The following ENO1 variants were observed in gnomAD, a reference collection of about 807,000 sequenced individuals.
ENO1 encodes the protein alpha-enolase.
ENO1 carries 33 observed loss-of-function variants against 46.3 expected under a neutral mutation model. The observed-to-expected ratio is 0.71, with a 90% CI of 0.54 to 0.95. The LOEUF is 0.95. ENO1 is among the 40% of genes least tolerant of loss of function. The pLI is 0.00. For synonymous variants in ENO1, 220 were observed against 216.0 expected (o/e 1.02, Z -0.16); for missense variants, 488 against 553.3 (o/e 0.88, Z 1.18).
In ENO1 at chr1:8,870,777, A is replaced by G. The variant is rs550557677; in HGVS notation, c.182-267T>C. The G allele has an allele frequency of 1.5e-4, 216 of 1,405,358 alleles. 1 individual carries two copies. In the African/African-American group the frequency reaches 1.6e-3, roughly 10 times the overall value. The allele number at this position is 1,405,358 out of a possible 1,614,324, so 87.1% of individuals were successfully genotyped here. On this transcript the variant is annotated intron_variant, in intron 3 of 11. Transcript: ENST00000234590. Reference sequence around the variant, plus strand: ...TGACTGGAGGTTAGTTTGCAAGACCATGCACTGGAAACGCCAACTGCAGAC... The same window carrying G: ...TGACTGGAGGTTAGTTTGCAAGACCGTGCACTGGAAACGCCAACTGCAGAC...
chr1:8,877,075 C>T (rs545678848), intron 1 of ENO1, among the ~76,000 whole-genome samples: 18 of 152,004 alleles, frequency 1.2e-4, no homozygotes, highest in African/African-American at 4.3e-4. Flanking sequence ...CTGCAGGCTC[C>T]GCCTCCAGAG....
At chr1:8,874,577 C>CAAAAAAAAAAAAAA (rs140269736) in intron 2 of ENO1, among the ~76,000 whole-genome samples, 120 of 51,478 alleles carry the variant, frequency 2.3e-3, no homozygotes, top group Middle Eastern at 0.019. Flanking sequence ...GACTCCATCT[C>CAAAAAAAAAAAAAA]AAAAAAAAAA....
intron 1 of ENO1, among the ~76,000 whole-genome samples, chr1:8,877,257 T>C (rs1437251441): frequency 6.7e-6 from 1 of 149,230 alleles, no homozygotes; most frequent in African/African-American, 2.5e-5. Context: ...TGGTCGATTT[T>C]TGTATTTTCA....
intron 1 of ENO1, among the ~76,000 whole-genome samples, chr1:8,876,746 C>T (rs1441919499): frequency 6.6e-6 from 1 of 150,390 alleles, no homozygotes; most frequent in Non-Finnish European, 1.5e-5. Context: ...TGCAGTGAGT[C>T]GAGATCGCGC....
At chr1:8,865,153 C>T in intron 8 of ENO1, 132 bp downstream of exon 8, 1 of 1,111,286 alleles carries the variant, frequency 9.0e-7, no homozygotes, top group Non-Finnish European at 1.3e-6. Flanking sequence ...GGTGAATCCC[C>T]TACGGGAGCT....
At chr1:8,865,735 A>G (rs1023665322) in intron 7 of ENO1, among the ~76,000 whole-genome samples, 3 of 152,208 alleles carry the variant, frequency 2.0e-5, no homozygotes, top group Admixed American at 1.3e-4. Flanking sequence ...AATGCTCCCA[A>G]ATTTAGTGCC....
chr1:8,864,243 A>G, intron 8 of ENO1, 151 bp from the exon 9 acceptor site: 1 of 819,060 alleles, frequency 1.2e-6, no homozygotes, highest in Non-Finnish European at 2.1e-6. Flanking sequence ...CTGATCCTTG[A>G]AACAATGTGC....
At chr1:8,874,950 T>C (rs368499390) in intron 1 of ENO1, 33 bp from the exon 2 acceptor site, 17 of 1,559,830 alleles carry the variant, frequency 1.1e-5, no homozygotes, top group Non-Finnish European at 1.5e-5. Flanking sequence ...ATGTTTTCCA[T>C]AAGCCATAAT....
chr1:8,863,006 G>C lies in ENO1; in HGVS notation c.1177-61C>G, dbSNP rs761344548. 3 of 1,593,518 alleles carry C rather than the reference G, an allele frequency of 1.9e-6. No homozygotes were observed. In the East Asian group the frequency reaches 6.7e-5, roughly 36 times the overall value. On this transcript the variant is annotated intron_variant, in intron 10 of 11. Transcript: ENST00000234590. ...CAAGCTTTGCAGGCATTTCTGGCAG[G>C]GAGAGGGTGTGGTGTCAGAGAGAGA...
Position 8,866,012 on chromosome 1 carries a change from CG to C in ENO1, c.667+266del, listed in dbSNP as rs1486801828. ...GTAGGTATCACTTGAGCCCAGGAGGCGGAAGTTGTAGTGAGCCGAGATTGCG... is the reference window on the plus strand; with the variant it reads ...GTAGGTATCACTTGAGCCCAGGAGGCGAAGTTGTAGTGAGCCGAGATTGCG... On this transcript the variant is annotated intron_variant, in intron 7 of 11. Transcript: ENST00000234590. The C allele has an allele frequency of 7.8e-6, 3 of 383,690 alleles. No homozygotes were observed. The East Asian group carries it at 1.6e-4, about 21-fold the overall frequency. 23.8% of individuals were successfully genotyped at this position (383,690 alleles called of 1,614,324 possible).
chr1:8,870,838 G>A, intron 3 of ENO1: 1 of 1,348,476 alleles, frequency 7.4e-7, no homozygotes, highest in Non-Finnish European at 9.5e-7. Context: ...AGTGCACAGG[G>A]CTGGTGCCAG....
At chr1:8,863,578 TC>T (rs1420665384) in intron 9 of ENO1, among the ~76,000 whole-genome samples, 1 of 152,162 alleles carries the variant, frequency 6.6e-6, no homozygotes, top group Non-Finnish European at 1.5e-5. Context: ...GGGTTCAGCC[TC>T]CCTTGATGGG....
intron 4 of ENO1, among the ~76,000 whole-genome samples, chr1:8,870,013 T>A (rs1642597776): frequency 6.6e-6 from 1 of 152,196 alleles, no homozygotes; most frequent in Non-Finnish European, 1.5e-5. Flanking sequence ...CTCCAGCAGC[T>A]CTTTTATGTT....
Position 8,864,188 on chromosome 1 carries a change from T to TG in ENO1, c.866-97dup. On this transcript the variant is annotated intron_variant, in intron 8 of 11. Transcript: ENST00000234590. ...CTTCCCCCTTGACTTGCTGCTCGCC[T>TG]GGCCTCACAATGCCCAAAAGCATAG... 8 of 1,368,386 alleles carry TG rather than the reference T, an allele frequency of 5.8e-6. No individual in the cohort carries two copies. The South Asian group carries it at 8.3e-5, about 14-fold the overall frequency. The allele number at this position is 1,368,386 out of a possible 1,614,324, so 84.8% of individuals were successfully genotyped here.
chr1:8,871,789 A>G (rs1642637859), intron 3 of ENO1, 102 bp downstream of exon 3: 1 of 1,375,256 alleles, frequency 7.3e-7, no homozygotes, highest in Non-Finnish European at 1.0e-6. Flanking sequence ...TACCTGCCAT[A>G]AACCTGCAAG....
In ENO1 at chr1:8,874,807, AAGG is replaced by A. The variant is rs769896939; in HGVS notation, c.85+14_85+16del. 2.5e-6 allele frequency: 4 copies of A among 1,606,862 alleles called. No homozygotes were observed. The African/African-American group carries it at 4.0e-5, about 16-fold the overall frequency. On this transcript the variant is annotated intron_variant, in intron 2 of 11. Coordinates refer to ENST00000234590, the MANE Select transcript of ENO1 (RefSeq NM_001428.5). ...CACGGTGGAAGGAACCATGGAAACC[AAGG>A]AGGTGGCACATACCTTTTGAGGTGA...
intron 11 of ENO1, 108 bp downstream of exon 11, chr1:8,862,779 G>T: frequency 1.6e-6 from 2 of 1,289,220 alleles, no homozygotes; most frequent in Non-Finnish European, 2.2e-6. Context: ...ACCTGCACCT[G>T]TACATGTTCC....
chr1:8,869,405 C>A (rs934630297), intron 4 of ENO1, among the ~76,000 whole-genome samples: 2 of 135,992 alleles, frequency 1.5e-5, no homozygotes, highest in African/African-American at 5.0e-5. Context: ...TTACAGAGTG[C>A]CACAAAAGCC....
chr1:8,871,317 A>G (rs1642628187), intron 3 of ENO1: 1 of 992,778 alleles, frequency 1.0e-6, no homozygotes, highest in Admixed American at 6.0e-5. Context: ...ATTTGGCCAC[A>G]TGTTCTATCT....
Sources: allele counts gnomAD v4.1 joint callset (sites outside exome capture counted in the v4.1 genomes callset), GRCh38; gene constraint gnomAD v4.1.1; transcripts MANE v1.5; gene names NCBI Gene and HGNC (gene_info 2026-07-23, HGNC 2026-07-21).